The following TSPAN18 variants were observed in gnomAD, a reference collection of about 807,000 sequenced individuals.
TSPAN18 encodes the protein tetraspanin 18.
In TSPAN18, 14 loss-of-function variants were observed where a neutral mutation model predicts 27.3. That is an observed-to-expected ratio of 0.51 (90% CI 0.34 to 0.80). The LOEUF is 0.80. Ranked by LOEUF, TSPAN18 falls within the 30% of genes least tolerant of loss-of-function variation. The pLI is 0.01. For synonymous variants in TSPAN18, 143 were observed against 136.5 expected, an observed-to-expected ratio of 1.05 and a Z score of -0.33; for missense variants, 268 against 323.9, an observed-to-expected ratio of 0.83 and a Z score of 1.32.
chr11:44,819,265 C>T (rs1590525959), intron 2 of TSPAN18, among the ~76,000 whole-genome samples: 1 of 152,154 alleles, frequency 6.6e-6, no homozygotes, highest in African/African-American at 2.4e-5. Flanking sequence ...TGCACCCACG[C>T]AAGCTGCTGA....
At chr11:44,919,445 C>T in intron 7 of TSPAN18, 133 bp downstream of exon 7, 1 of 789,712 alleles carries the variant, frequency 1.3e-6, no homozygotes, top group South Asian at 1.5e-5. Flanking sequence ...AATCACCATC[C>T]ACGCAGCATT....
chr11:44,828,745 C>T (rs1053916054), intron 2 of TSPAN18, among the ~76,000 whole-genome samples: 1 of 152,328 alleles, frequency 6.6e-6, no homozygotes, highest in Non-Finnish European at 1.5e-5. Context: ...AATGGAGAGC[C>T]TCAGTCCATT....
intron 2 of TSPAN18, among the ~76,000 whole-genome samples, chr11:44,781,953 C>G (rs1855948293): frequency 6.6e-6 from 1 of 152,194 alleles, no homozygotes; most frequent in Non-Finnish European, 1.5e-5. Context: ...TAGGTACTCT[C>G]CTGTCAGTCT....
chr11:44,737,127 T>A (rs1331364921), intron 1 of TSPAN18, among the ~76,000 whole-genome samples: 1 of 152,192 alleles, frequency 6.6e-6, no homozygotes, highest in Non-Finnish European at 1.5e-5. Flanking sequence ...CATCCCTCCT[T>A]GCTATGTACC....
intron 2 of TSPAN18, among the ~76,000 whole-genome samples, chr11:44,766,989 T>C (rs1350444801): frequency 6.6e-6 from 1 of 152,158 alleles, no homozygotes; most frequent in Admixed American, 6.5e-5. Context: ...CTTTGAACAA[T>C]GGCAGCCCCC....
At chr11:44,876,047 C>T (rs1858322319) in intron 3 of TSPAN18, among the ~76,000 whole-genome samples, 1 of 152,134 alleles carries the variant, frequency 6.6e-6, no homozygotes, top group Admixed American at 6.5e-5. Flanking sequence ...GCTAGCCTGG[C>T]CTGCATGGGG....
At chr11:44,846,727 A>G (rs1857493242) in intron 2 of TSPAN18, among the ~76,000 whole-genome samples, 1 of 152,180 alleles carries the variant, frequency 6.6e-6, no homozygotes, top group South Asian at 2.1e-4. Flanking sequence ...TTTCCTGCCC[A>G]GGGGAAATAC....
intron 2 of TSPAN18, among the ~76,000 whole-genome samples, chr11:44,774,728 C>T (rs1855765558): frequency 6.6e-6 from 1 of 152,174 alleles, no homozygotes; most frequent in Admixed American, 6.5e-5. Flanking sequence ...ACTCCCACTC[C>T]CTGAGTTCGA....
At chr11:44,848,401 G>A (rs1276982419) in intron 2 of TSPAN18, among the ~76,000 whole-genome samples, 4 of 152,172 alleles carry the variant, frequency 2.6e-5, no homozygotes, top group African/African-American at 7.2e-5. Flanking sequence ...CAAGGAGTGC[G>A]CCCTTAGCGA....
chr11:44,899,293 A>G (rs1342761358), intron 3 of TSPAN18, among the ~76,000 whole-genome samples: 2 of 152,214 alleles, frequency 1.3e-5, no homozygotes, highest in African/African-American at 4.8e-5. Flanking sequence ...ATTCTGAACA[A>G]CCCAATAAAC....
chr11:44,790,178 T>TGCGCATGTGTGTGTGC (rs1856162819), intron 2 of TSPAN18, among the ~76,000 whole-genome samples: 1 of 151,192 alleles, frequency 6.6e-6, no homozygotes, highest in Non-Finnish European at 1.5e-5. Context: ...TGTGTGTGTG[T>TGCGCATGTGTGTGTGC]GCGCATATGT....
At chr11:44,800,006 G>GTTTT (rs60067559) in intron 2 of TSPAN18, among the ~76,000 whole-genome samples, 15 of 109,394 alleles carry the variant, frequency 1.4e-4, no homozygotes, top group Non-Finnish European at 2.0e-4. Context: ...AATTTTTTGT[G>GTTTT]TTTTTTTTTT....
At chr11:44,908,770 A>AAAGAAG (rs3051416) in intron 4 of TSPAN18, among the ~76,000 whole-genome samples, 21 of 19,500 alleles carry the variant, frequency 1.1e-3, no homozygotes, top group African/African-American at 4.1e-3. Context: ...GAGAGAAAGG[A>AAAGAAG]GAAAGAAAGA....
At chr11:44,910,749 GAT>G (rs1194109713) in intron 5 of TSPAN18, among the ~76,000 whole-genome samples, 1 of 152,208 alleles carries the variant, frequency 6.6e-6, no homozygotes, top group Non-Finnish European at 1.5e-5. Flanking sequence ...GGGTGCTGAA[GAT>G]ATGTCGGGGA....
At chr11:44,922,103 A>G (rs1030997830) in intron 8 of TSPAN18, among the ~76,000 whole-genome samples, 1 of 144,866 alleles carries the variant, frequency 6.9e-6, no homozygotes, top group African/African-American at 2.5e-5. Context: ...CCTCTTGCTT[A>G]AAGCCCAGGA....
At chr11:44,873,097 G>A (rs1475577654) in intron 3 of TSPAN18, among the ~76,000 whole-genome samples, 1 of 152,190 alleles carries the variant, frequency 6.6e-6, no homozygotes, top group Non-Finnish European at 1.5e-5. Context: ...TGGATAAGGG[G>A]CTGGAGGTGA....
intron 3 of TSPAN18, among the ~76,000 whole-genome samples, chr11:44,885,472 G>A (rs952826447): frequency 6.6e-6 from 1 of 152,156 alleles, no homozygotes; most frequent in Admixed American, 6.5e-5. Context: ...AGCCTGACGG[G>A]TTGGTGGAGC....
chr11:44,790,295 A>ATG lies in TSPAN18; in HGVS notation c.-153+25792_-153+25793dup, dbSNP rs779969856. ...TGTGTGCATGTGTTCGTGTATGTGC[A>ATG]TGTGTGTGTGCATGTGTTTGTGCAT... On this transcript the variant is annotated intron_variant, in intron 2 of 9. Transcript: ENST00000520358. Among the ~76,000 whole-genome samples the ATG allele has an allele frequency of 1.2e-3, 167 of 143,926 alleles. 1 individual carries two copies. The highest frequency in any genetic ancestry group is 1.6e-3 in the African/African-American group (62 of 38,114). 94.4% of individuals were successfully genotyped at this position (143,926 alleles called of 152,430 possible). A position where few individuals can be genotyped will look rare whatever the true frequency, so the allele number is the denominator to read the frequency against.
At chr11:44,851,622 C>CA (rs1554991795) in intron 2 of TSPAN18, among the ~76,000 whole-genome samples, 4 of 148,332 alleles carry the variant, frequency 2.7e-5, no homozygotes, top group South Asian at 2.2e-4. Flanking sequence ...ACCTCCCCCC[C>CA]CCAACGGCTG....
Sources: allele counts gnomAD v4.1 joint callset (sites outside exome capture counted in the v4.1 genomes callset), GRCh38; gene constraint gnomAD v4.1.1; transcripts MANE v1.5; gene names NCBI Gene and HGNC (gene_info 2026-07-23, HGNC 2026-07-21).